Variants in EGFR observed in about 807,000 individuals in gnomAD.
The protein encoded by EGFR is avian erythroblastic leukemia viral (v-erb-b) oncogene homolog.
In EGFR, 58 loss-of-function variants were observed where a neutral mutation model predicts 143.0. The observed-to-expected ratio is 0.41, with a 90% CI of 0.33 to 0.50. The LOEUF (loss-of-function observed/expected upper bound fraction) is 0.50, where lower values mean the gene tolerates loss of function less well. Among genes scored for constraint, EGFR ranks in the 20% least tolerant of loss-of-function variants. The pLI, the probability that EGFR is intolerant of heterozygous loss-of-function variation, is 0.39. For synonymous variants in EGFR, 613 were observed against 594.4 expected, an observed-to-expected ratio of 1.03 and a Z score of -0.45; for missense variants, 1,307 against 1,579.0, an observed-to-expected ratio of 0.83 and a Z score of 2.92.
At chr7:55,078,342 G>A (rs927545320) in intron 1 of EGFR, among the ~76,000 whole-genome samples, 2 of 142,982 alleles carry the variant, frequency 1.4e-5, no homozygotes, top group African/African-American at 2.5e-5. Context: ...CCAGGAAGCC[G>A]CCTCGACGCA....
intron 1 of EGFR, among the ~76,000 whole-genome samples, chr7:55,100,843 T>C (rs942578586): frequency 6.6e-6 from 1 of 152,254 alleles, no homozygotes; most frequent in African/African-American, 2.4e-5. Context: ...ATTGAACACT[T>C]GGATGACAGG....
At chr7:55,192,611 G>GAAA in intron 21 of EGFR, among the ~76,000 whole-genome samples, 155 bp from the exon 22 acceptor site, 1 of 152,236 alleles carries the variant, frequency 6.6e-6, no homozygotes, top group South Asian at 2.1e-4. Flanking sequence ...GAAATCCCCT[G>GAAA]TTGCCGGGAG....
chr7:55,133,633 C>T (rs987124773), intron 1 of EGFR, among the ~76,000 whole-genome samples: 6 of 152,230 alleles, frequency 3.9e-5, no homozygotes, highest in Non-Finnish European at 8.8e-5. Flanking sequence ...CCGTCATCCC[C>T]ACGTCCACAC....
intron 1 of EGFR, among the ~76,000 whole-genome samples, chr7:55,136,665 A>G (rs1187247354): frequency 6.6e-6 from 1 of 152,208 alleles, no homozygotes; most frequent in African/African-American, 2.4e-5. Context: ...AGCAATGCAC[A>G]TTCAATGGAA....
Position 55,042,791 on chromosome 7 carries a change from T to C in EGFR, c.88+23426T>C, listed in dbSNP as rs962151522. Among the ~76,000 whole-genome samples the C allele has an allele frequency of 3.3e-5, 5 of 152,200 alleles. No homozygotes were observed. The East Asian group carries it at 5.8e-4, about 18-fold the overall frequency. ...CGTGAGGCTGGAGATGCGTATTGTC[T>C]TGACTTTGCATCTACAAGTTTAACA... On this transcript the variant is annotated intron_variant, in intron 1 of 27. Coordinates refer to ENST00000275493, the MANE Select transcript of EGFR (RefSeq NM_005228.5).
At chr7:55,182,472 G>A (rs1786929402) in intron 20 of EGFR, 1 of 152,222 alleles carries the variant, frequency 6.6e-6, no homozygotes, top group South Asian at 2.1e-4. Context: ...AGATGTAAAA[G>A]GTGACCTACA....
At chr7:55,034,318 C>T (rs1234354199) in intron 1 of EGFR, among the ~76,000 whole-genome samples, 1 of 152,198 alleles carries the variant, frequency 6.6e-6, no homozygotes, top group Non-Finnish European at 1.5e-5. Context: ...ACTGCAACCT[C>T]CACCTTCCGG....
At chr7:55,123,013 A>C (rs181940354) in intron 1 of EGFR, among the ~76,000 whole-genome samples, 55 of 152,380 alleles carry the variant, frequency 3.6e-4, no homozygotes, top group South Asian at 1.2e-3. Flanking sequence ...ATCTCATCAA[A>C]ATAATTCACA....
At chr7:55,182,125 C>T (rs576808295) in intron 20 of EGFR, 84 of 158,044 alleles carry the variant, frequency 5.3e-4, no homozygotes, top group Admixed American at 2.4e-4. Context: ...AGAAAGACTT[C>T]TGCTTTTGCC....
intron 15 of EGFR, among the ~76,000 whole-genome samples, chr7:55,166,899 G>A (rs1786045813): frequency 7.4e-6 from 1 of 135,460 alleles, no homozygotes; most frequent in Non-Finnish European, 1.6e-5. Context: ...TGGTGGTGAG[G>A]AGGTGAGAGT....
chr7:55,093,883 T>C (rs1465914710), intron 1 of EGFR, among the ~76,000 whole-genome samples: 1 of 152,180 alleles, frequency 6.6e-6, no homozygotes, highest in Non-Finnish European at 1.5e-5. Flanking sequence ...GGTCCTGTCG[T>C]AACTGTCACT....
Position 55,201,774 on chromosome 7 carries a change from A to G in EGFR, c.3154A>G (p.Arg1052Gly), listed in dbSNP as rs1787860375. 6.2e-7 allele frequency: 1 copy of G among 1,614,128 alleles called. No homozygotes were observed. Among genetic ancestry groups the G allele is most frequent in the Non-Finnish European group, 8.5e-7 (1 of 1,180,048 alleles). ...SNNSTVACIDRNGLQSCPIKE... is the reference protein window; with the variant it reads ...SNNSTVACIDGNGLQSCPIKE... ...CAATTCCACCGTGGCTTGCATTGAT[A>G]GAAATGGGGTATGTATGAACACCTT... Residue 1052 changes from arginine (R) to glycine (G), a missense_variant, in exon 26 of 28, where the codon AGA becomes GGA. Coordinates refer to ENST00000275493, the MANE Select transcript of EGFR (RefSeq NM_005228.5).
intron 1 of EGFR, among the ~76,000 whole-genome samples, chr7:55,057,253 A>G (rs1291221895): frequency 6.6e-6 from 1 of 152,220 alleles, no homozygotes; most frequent in Non-Finnish European, 1.5e-5. Context: ...AAAGTTGCGA[A>G]TGCCTCACCC....
intron 1 of EGFR, among the ~76,000 whole-genome samples, chr7:55,048,270 C>T (rs536739172): frequency 6.6e-6 from 1 of 152,280 alleles, no homozygotes; most frequent in Admixed American, 6.5e-5. Context: ...ATGGGTGACA[C>T]ATATGTGTTG....
chr7:55,046,178 C>G (rs1034320570), intron 1 of EGFR, among the ~76,000 whole-genome samples: 1 of 152,092 alleles, frequency 6.6e-6, no homozygotes, highest in African/African-American at 2.4e-5. Context: ...AGAAACATGT[C>G]GCATGCTCTT....
intron 27 of EGFR, chr7:55,203,096 CACACACATATACACACACATACACAT>C (rs1787925887): frequency 3.7e-6 from 1 of 273,770 alleles, no homozygotes; most frequent in Non-Finnish European, 7.0e-6. Context: ...CCTGCTAACA[CACACACATATACACACACATACACAT>C]ACACACATAT....
At chr7:55,170,800 C>A in intron 15 of EGFR, 1 of 1,426,648 alleles carries the variant, frequency 7.0e-7, no homozygotes, top group South Asian at 1.5e-5. Context: ...CCGTAATTAG[C>A]ATGGCCCCAG....
intron 1 of EGFR, among the ~76,000 whole-genome samples, chr7:55,117,219 A>G (rs62459763): frequency 0.081 from 12,411 of 152,336 alleles, 603 homozygotes; most frequent in Middle Eastern, 0.19. Context: ...AAATATATTT[A>G]ATCTTTTTAT....
At chr7:55,117,251 A>T (rs542818055) in intron 1 of EGFR, among the ~76,000 whole-genome samples, 1 of 152,386 alleles carries the variant, frequency 6.6e-6, no homozygotes, top group Middle Eastern at 3.4e-3. Flanking sequence ...ATAAAGTGGA[A>T]TAGAGATGTG....
Sources: gnomAD v4.1 joint callset for allele counts (sites outside exome capture counted in the v4.1 genomes callset) on GRCh38, gnomAD v4.1.1 for gene constraint, MANE v1.5 for transcripts, NCBI Gene and HGNC (gene_info 2026-07-23, HGNC 2026-07-21) for gene names.